The following TRABD variants were observed in gnomAD, a reference collection of about 807,000 sequenced individuals.
TRABD encodes the protein traB domain-containing protein.
TRABD carries 23 observed loss-of-function variants against 39.6 expected under a neutral mutation model. The ratio of observed to expected loss-of-function variants is 0.58; its 90% CI spans 0.42 to 0.82. The LOEUF (loss-of-function observed/expected upper bound fraction) is 0.82, where lower values mean the gene tolerates loss of function less well. TRABD is among the 40% of genes least tolerant of loss of function. The probability of loss-of-function intolerance (pLI) is 0.00; values close to 1 mark genes in which losing one functional copy is unlikely to be tolerated. For synonymous variants in TRABD, 243 were observed against 232.1 expected (o/e 1.05, Z -0.43); for missense variants, 487 against 544.9 (o/e 0.89, Z 1.06).
rs758222935 is a variant in TRABD, at chr22:50,199,176, G to C, written c.*657G>C. On this transcript the variant is annotated 3_prime_UTR_variant, in exon 10 of 10. Transcript: ENST00000380909. Reference sequence around the variant, plus strand: ...CCTTAAATCCAAAGGGAGAGAATTCGTGTTCTTGGGTCTGTCCCGAGTGGG... The same window carrying C: ...CCTTAAATCCAAAGGGAGAGAATTCCTGTTCTTGGGTCTGTCCCGAGTGGG... 2 of 716,322 alleles carry C rather than the reference G, an allele frequency of 2.8e-6. No individual in the cohort carries two copies. The highest frequency in any genetic ancestry group is 2.0e-5 in the Admixed American group (1 of 49,998). 44.4% of individuals were successfully genotyped at this position (716,322 alleles called of 1,614,324 possible). A position where few individuals can be genotyped will look rare whatever the true frequency, so the allele number is the denominator to read the frequency against.
rs201139915 is a variant in TRABD at position 50,197,809 on chromosome 22, A to G, written c.672-14A>G. The G allele has an allele frequency of 3.6e-5, 39 of 1,085,056 alleles. No homozygotes were observed. The East Asian group carries it at 2.0e-3, about 56-fold the overall frequency. 67.2% of individuals were successfully genotyped at this position (1,085,056 alleles called of 1,614,324 possible). On this transcript the variant is annotated splice_polypyrimidine_tract_variant and intron_variant, in intron 7 of 9. Transcript: ENST00000380909. ...TGCCCATCCCTGCGGGGCTGCAGCCATCCCTCTCCACAGCAAGGATGACGT... is the reference window on the plus strand; with the variant it reads ...TGCCCATCCCTGCGGGGCTGCAGCCGTCCCTCTCCACAGCAAGGATGACGT...
rs761938477 is a variant in TRABD, at chr22:50,194,373, T to C, written c.146T>C (p.Met49Thr). 6.2e-7 allele frequency: 1 copy of C among 1,612,930 alleles called. No homozygotes were observed. The highest frequency in any genetic ancestry group is 1.1e-5 in the South Asian group (1 of 91,074). The change falls in exon 4 of 10, where the codon ATG (methionine) becomes ACG (threonine). Residue 49 changes from methionine to threonine, a missense_variant. Around this residue, in one of 3 missense-constraint regions of TRABD, gnomAD observed 358 missense variants for 414.7 expected, o/e 0.86. Transcript: ENST00000380909. ...GACGCCTTCAACCTGCTCCTGGAGA[T>C]GAAGCTGAAGCGGCGGCGTCAGCGG... ...DVDAFNLLLEMKLKRRRQRPN... is the reference protein window; with the variant it reads ...DVDAFNLLLETKLKRRRQRPN...
chr22:50,198,469 C>A lies in TRABD; in HGVS notation c.1081C>A (p.Pro361Thr). 1.3e-6 allele frequency: 2 copies of A among 1,595,172 alleles called. No individual in the cohort carries two copies. Among genetic ancestry groups the A allele is most frequent in the Non-Finnish European group, 8.5e-7 (1 of 1,176,584 alleles). Residue 361 changes from proline (P) to threonine (T), a missense_variant, in exon 10 of 10, where the codon CCC becomes ACC. Coordinates refer to ENST00000380909, the MANE Select transcript of TRABD (RefSeq NM_001320485.2). The surrounding 1 kb of genome is among the most constrained non-coding windows in gnomAD (Gnocchi z 7.9). Reference sequence around the variant, plus strand: ...CACCGCGAGCCTGGTCCTGTCGCTGCCCGCCGCGCAGTACTGCCTGCAGAG... The same window carrying A: ...CACCGCGAGCCTGGTCCTGTCGCTGACCGCCGCGCAGTACTGCCTGCAGAG... ...RRTASLVLSL[P>T]AAQYCLQRVT... is the part of the protein sequence containing the mutation.
intron 7 of TRABD, 60 bp from the exon 8 acceptor site, chr22:50,197,763 A>AGGGCCCCCCCCCCCCCCCCCGGGGGGGGG: frequency 6.9e-7 from 1 of 1,439,784 alleles, no homozygotes; most frequent in Non-Finnish European, 9.7e-7. Context: ...CCACAGTGCC[A>AGGGCCCCCCCCCCCCCCCCCGGGGGGGGG]GCCCCACCCC....
At chr22:50,191,065 G>A (rs1196493935) in intron 1 of TRABD, among the ~76,000 whole-genome samples, 2 of 152,202 alleles carry the variant, frequency 1.3e-5, no homozygotes, top group East Asian at 1.9e-4. Context: ...AAGGCCCCCG[G>A]GGACATGAGC....
intron 5 of TRABD, among the ~76,000 whole-genome samples, 159 bp downstream of exon 5, chr22:50,195,199 G>T (rs2064057019): frequency 6.6e-6 from 1 of 152,194 alleles, no homozygotes; most frequent in African/African-American, 2.4e-5. Context: ...TGGGCCAGGA[G>T]AAATGAAAGA....
chr22:50,186,596 G>A (rs1204892282), intron 1 of TRABD, among the ~76,000 whole-genome samples: 1 of 152,152 alleles, frequency 6.6e-6, no homozygotes, highest in East Asian at 1.9e-4. Flanking sequence ...GCCGAGGTGA[G>A]AGTGGAGGAA....
Position 50,199,350 on chromosome 22 carries a change from T to TG in TRABD, c.*834dup. 1 of 514,652 alleles carries TG rather than the reference T, an allele frequency of 1.9e-6. No individual in the cohort carries two copies. The highest frequency in any genetic ancestry group is 3.5e-6 in the Non-Finnish European group (1 of 285,436). 31.9% of individuals were successfully genotyped at this position (514,652 alleles called of 1,614,324 possible). A position where few individuals can be genotyped will look rare whatever the true frequency, so the allele number is the denominator to read the frequency against. ...GCACCTATGTGGAAGGCCAAGGACA[T>TG]GGGCTGTGGCCAGGCCTGTCCCGCT... is the stretch of plus-strand genomic sequence containing the variant. On this transcript the variant is annotated 3_prime_UTR_variant, in exon 10 of 10. Coordinates refer to ENST00000380909, the MANE Select transcript of TRABD (RefSeq NM_001320485.2).
rs1375576248 is a variant in TRABD, at chr22:50,199,069, C to T, written c.*550C>T. ...GCCTGCAGGGATTCTGTGTTTTTGG[C>T]TTTTTTAATGTCTTAAAATCTTTTA... is the stretch of plus-strand genomic sequence containing the variant. On this transcript the variant is annotated 3_prime_UTR_variant, in exon 10 of 10. Coordinates refer to ENST00000380909, the MANE Select transcript of TRABD (RefSeq NM_001320485.2). 2 of 713,010 alleles carry T rather than the reference C, an allele frequency of 2.8e-6. No homozygotes were observed. Among genetic ancestry groups the T allele is most frequent in the African/African-American group, 1.8e-5 (1 of 56,978 alleles). 44.2% of individuals were successfully genotyped at this position (713,010 alleles called of 1,614,324 possible). A position where few individuals can be genotyped will look rare whatever the true frequency, so the allele number is the denominator to read the frequency against.
chr22:50,194,488 C>T lies in TRABD; in HGVS notation c.261C>T (p.Ser87=), dbSNP rs189156769. The part of the protein sequence containing the change: ...VVGTAHFSDD[S]KRDVVKTIRE... ...GGACAGCCCACTTCAGCGACGACAG[C>T]AAGAGGGACGTTGTGAAGGTGAGCG... Residue 87 remains serine (S), a synonymous_variant, in exon 4 of 10, where the codon AGC becomes AGT. Transcript: ENST00000380909. 2 of 1,588,210 alleles carry T rather than the reference C, an allele frequency of 1.3e-6. No homozygotes were observed. Among genetic ancestry groups the T allele is most frequent in the Non-Finnish European group, 1.7e-6 (2 of 1,167,674 alleles).
At position 50,197,984 on chromosome 22, in the gene TRABD, G is replaced by A. The variant is rs375342223; in HGVS notation, c.833G>A (p.Arg278Gln). The change falls in exon 8 of 10, where the codon CGG becomes CAG. Residue 278 changes from arginine to glutamine, a missense_variant. Around this residue, in one of 3 missense-constraint regions of TRABD, gnomAD observed 358 missense variants for 414.7 expected, o/e 0.86. Transcript: ENST00000380909. Reference protein sequence around the residue: ...RQAARRLELPRASDAEPRKCV... With the variant: ...RQAARRLELPQASDAEPRKCV... ...GCCGCGCGGCGCCTCGAGCTGCCTCGGGCCTCTGACGGTGACGGCCGCCCG... is the reference window on the plus strand; with the variant it reads ...GCCGCGCGGCGCCTCGAGCTGCCTCAGGCCTCTGACGGTGACGGCCGCCCG... 29 of 1,612,058 alleles carry A rather than the reference G, an allele frequency of 1.8e-5. No homozygotes were observed. The highest frequency in any genetic ancestry group is 8.3e-5 in the Admixed American group (5 of 59,958).
chr22:50,197,764 GCCCCAC>G, intron 7 of TRABD, 53 bp from the exon 8 acceptor site: 2 of 1,284,796 alleles, frequency 1.6e-6, no homozygotes, highest in Non-Finnish European at 2.2e-6. Flanking sequence ...CACAGTGCCA[GCCCCAC>G]CCCCCCAGCC....
At chr22:50,196,494 C>G (rs558216191) in intron 5 of TRABD, among the ~76,000 whole-genome samples, 5 of 152,180 alleles carry the variant, frequency 3.3e-5, no homozygotes, top group African/African-American at 4.8e-5. Context: ...TGGTGCCAGC[C>G]GGCCGGTGAG....
intron 1 of TRABD, among the ~76,000 whole-genome samples, chr22:50,187,948 C>G (rs2063801846): frequency 1.3e-5 from 2 of 151,066 alleles, no homozygotes; most frequent in African/African-American, 4.9e-5. Flanking sequence ...CCACTGCACT[C>G]CAGCGTGGGC....
At chr22:50,189,958 A>C (rs1248474342) in intron 1 of TRABD, among the ~76,000 whole-genome samples, 1 of 152,160 alleles carries the variant, frequency 6.6e-6, no homozygotes, top group South Asian at 2.1e-4. Flanking sequence ...GCTCACCGCC[A>C]GGCAGCTGGG....
At chr22:50,196,708 CT>C (rs1226661316) in intron 5 of TRABD, among the ~76,000 whole-genome samples, 318 of 145,688 alleles carry the variant, frequency 2.2e-3, no homozygotes, top group Middle Eastern at 3.5e-3. Flanking sequence ...TTTTCTTCTT[CT>C]TTTTTTTTTT....
intron 5 of TRABD, among the ~76,000 whole-genome samples, chr22:50,196,643 G>A (rs933015793): frequency 4.6e-5 from 7 of 152,184 alleles, no homozygotes; most frequent in South Asian, 4.1e-4. Flanking sequence ...AGCACCCAGC[G>A]TCTGTGCCAG....
At chr22:50,186,190 G>C (rs1174410343) in intron 1 of TRABD, among the ~76,000 whole-genome samples, 1 of 143,706 alleles carries the variant, frequency 7.0e-6, no homozygotes, top group African/African-American at 2.6e-5. Flanking sequence ...TCAGGTTCAG[G>C]TTTTGGGGCC....
rs1226661316 is a variant in TRABD at position 50,196,708 on chromosome 22, C to CT, written c.421-520dup. On this transcript the variant is annotated intron_variant, in intron 5 of 9. Transcript: ENST00000380909. Reference sequence around the variant, plus strand: ...TGCCTCATAAAGGCCTTTTCTTCTTCTTTTTTTTTTTTTGAGACAGAGCAG... The same window carrying CT: ...TGCCTCATAAAGGCCTTTTCTTCTTCTTTTTTTTTTTTTTGAGACAGAGCAG... Among the ~76,000 whole-genome samples the CT allele has an allele frequency of 1.5e-3, 215 of 145,932 alleles. 1 individual carries two copies. The highest frequency in any genetic ancestry group is 1.9e-3 in the African/African-American group (77 of 40,062).
Sources: allele counts gnomAD v4.1 joint callset (sites outside exome capture counted in the v4.1 genomes callset), GRCh38; gene constraint gnomAD v4.1.1; regional missense constraint gnomAD v4.1.1; non-coding constraint Gnocchi (gnomAD v3.1); transcripts MANE v1.5; gene names NCBI Gene and HGNC (gene_info 2026-07-23, HGNC 2026-07-21).